CECR2: variants seen among roughly 807,000 people sequenced by gnomAD.
CECR2 encodes chromatin remodeling regulator CECR2.
CECR2 carries 30 observed loss-of-function variants against 154.5 expected under a neutral mutation model. The ratio of observed to expected loss-of-function variants is 0.19; its 90% confidence interval spans 0.15 to 0.26. The LOEUF is 0.26. CECR2 is among the 10% of genes least tolerant of loss of function. The probability of loss-of-function intolerance (pLI) is 1.00; values close to 1 mark genes in which losing one functional copy is unlikely to be tolerated. For missense variants in CECR2, 1,743 were observed against 1,829.3 expected (o/e 0.95, Z 0.86); for synonymous variants, 725 against 683.7 (o/e 1.06, Z -0.94).
intron 2 of CECR2, among the ~76,000 whole-genome samples, chr22:17,489,180 G>A (rs893950476): frequency 4.6e-5 from 7 of 152,086 alleles, no homozygotes; most frequent in African/African-American, 1.2e-4. Flanking sequence ...GTGATCACCC[G>A]CCTCGGCCTC....
In CECR2 at chr22:17,414,181, C is replaced by T. The variant is rs138006397; in HGVS notation, c.126+44272C>T. 7.7e-3 allele frequency among the ~76,000 whole-genome samples: 1,172 copies of T among 151,824 alleles called. 15 individuals are homozygous for T. The highest frequency in any genetic ancestry group is 0.026 in the African/African-American group (1,090 of 41,382). ...TAGAGATGGGATTTCACTGTGTTAG[C>T]CAGGATGGTCTCGATCGCCTGACCT... On this transcript the variant is annotated intron_variant, in intron 1 of 18. Transcript: ENST00000262608.
chr22:17,422,698 T>A (rs2054274643), intron 1 of CECR2, among the ~76,000 whole-genome samples: 1 of 151,874 alleles, frequency 6.6e-6, no homozygotes, highest in African/African-American at 2.4e-5. Flanking sequence ...TATCTTCTGT[T>A]TTTTTGGTCT....
chr22:17,528,336 C>CTTTTT (rs761795162), intron 9 of CECR2, among the ~76,000 whole-genome samples: 250 of 152,122 alleles, frequency 1.6e-3, no homozygotes, highest in Non-Finnish European at 2.7e-3. Flanking sequence ...TTCTCACTTA[C>CTTTTT]TTGTGGGATC....
At chr22:17,510,944 T>TG (rs2055938377) in intron 7 of CECR2, among the ~76,000 whole-genome samples, 1 of 152,204 alleles carries the variant, frequency 6.6e-6, no homozygotes. Flanking sequence ...ACTCACTAAA[T>TG]GTACCCCCGT....
chr22:17,390,186 G>A (rs1262747569), intron 1 of CECR2, among the ~76,000 whole-genome samples: 1 of 151,612 alleles, frequency 6.6e-6, no homozygotes, highest in African/African-American at 2.4e-5. Flanking sequence ...TTCAGTGTTT[G>A]TCTTTCTTGA....
chr22:17,456,023 A>G (rs550082959), intron 1 of CECR2, among the ~76,000 whole-genome samples: 1 of 152,262 alleles, frequency 6.6e-6, no homozygotes, highest in Admixed American at 6.5e-5. Flanking sequence ...GGGTTGTGAT[A>G]CCCACATTTT....
intron 5 of CECR2, among the ~76,000 whole-genome samples, chr22:17,502,189 A>AT (rs2055751189): frequency 6.6e-6 from 1 of 152,210 alleles, no homozygotes; most frequent in Non-Finnish European, 1.5e-5. Flanking sequence ...GGCACTATTA[A>AT]TAGCTCCATT....
In CECR2 at chr22:17,548,982, C is replaced by A. The variant is rs199780601; in HGVS notation, c.3695C>A (p.Pro1232Gln). Residue 1232 changes from proline (P) to glutamine (Q), a missense_variant, in exon 17 of 19, where the codon CCA becomes CAA. Around this residue, in one of 4 missense-constraint regions of CECR2, gnomAD observed 1,250 missense variants for 1,192.1 expected, o/e 1.05. Transcript: ENST00000262608. ...PSGPPASQPP[P>Q]PRSLFSDKNA... Reference sequence around the variant, plus strand: ...GGACCCCCAGCCAGTCAGCCTCCCCCACCAAGGTCCCTCTTCTCAGATAAG... The same window carrying A: ...GGACCCCCAGCCAGTCAGCCTCCCCAACCAAGGTCCCTCTTCTCAGATAAG... 35 of 1,614,002 alleles carry A rather than the reference C, an allele frequency of 2.2e-5. No individual in the cohort carries two copies. In the East Asian group the frequency reaches 3.6e-4, roughly 16 times the overall value.
At chr22:17,486,546 A>G (rs2055424375) in intron 2 of CECR2, among the ~76,000 whole-genome samples, 1 of 152,210 alleles carries the variant, frequency 6.6e-6, no homozygotes, top group South Asian at 2.1e-4. Context: ...GGGAAAGCCC[A>G]CATGGCTGGG....
intron 1 of CECR2, among the ~76,000 whole-genome samples, chr22:17,467,011 C>CA (rs1396578730): frequency 1.3e-5 from 2 of 152,146 alleles, no homozygotes; most frequent in Non-Finnish European, 2.9e-5. Flanking sequence ...TTAGCAGCCA[C>CA]AGAAACATCG....
chr22:17,412,654 A>G (rs923369921), intron 1 of CECR2, among the ~76,000 whole-genome samples: 2 of 152,136 alleles, frequency 1.3e-5, no homozygotes, highest in African/African-American at 4.8e-5. Flanking sequence ...TGCTAAAGGA[A>G]AATTAGGACT....
At position 17,437,039 on chromosome 22, in the gene CECR2, G is replaced by C. The variant is rs141278844; in HGVS notation, c.127-40549G>C. 4.2e-3 allele frequency among the ~76,000 whole-genome samples: 646 copies of C among 152,242 alleles called. 3 individuals carry two copies. Among genetic ancestry groups the C allele is most frequent in the African/African-American group, 0.015 (620 of 41,556 alleles). On this transcript the variant is annotated intron_variant, in intron 1 of 18. Transcript: ENST00000262608. ...TTTCCTTTTAAAATCCTAGTGACTT[G>C]GGGAGAACTGGCCTCTGACAAGTCT...
intron 9 of CECR2, among the ~76,000 whole-genome samples, chr22:17,535,923 C>T (rs1015967529): frequency 1.3e-5 from 2 of 152,088 alleles, no homozygotes; most frequent in Non-Finnish European, 1.5e-5. Flanking sequence ...GATCCTATCC[C>T]TTGTGGAACA....
chr22:17,381,463 G>A (rs1056647615), intron 1 of CECR2, among the ~76,000 whole-genome samples: 4 of 152,216 alleles, frequency 2.6e-5, no homozygotes, highest in African/African-American at 9.6e-5. Flanking sequence ...GCATAACCCT[G>A]GATTTTCATC....
chr22:17,450,090 T>A (rs1055124358), intron 1 of CECR2, among the ~76,000 whole-genome samples: 3 of 152,220 alleles, frequency 2.0e-5, no homozygotes, highest in African/African-American at 7.2e-5. Flanking sequence ...ATGAGAACAG[T>A]AAATAGCAAG....
At chr22:17,477,999 G>A (rs1353052004) in intron 2 of CECR2, among the ~76,000 whole-genome samples, 1 of 152,098 alleles carries the variant, frequency 6.6e-6, no homozygotes, top group African/African-American at 2.4e-5. Flanking sequence ...TATTGGTAAA[G>A]TATTGCCTAA....
At chr22:17,489,842 T>C (rs1466260443) in intron 2 of CECR2, among the ~76,000 whole-genome samples, 4 of 151,920 alleles carry the variant, frequency 2.6e-5, no homozygotes, top group Non-Finnish European at 4.4e-5. Flanking sequence ...TATTGATTTC[T>C]CTTTTTTATT....
chr22:17,382,883 C>A (rs1601255913), intron 1 of CECR2, among the ~76,000 whole-genome samples: 1 of 151,826 alleles, frequency 6.6e-6, no homozygotes, highest in Admixed American at 6.6e-5. Flanking sequence ...CCCTGGGCAG[C>A]AGTGAGACCT....
At chr22:17,366,282 G>A (rs1223372612), upstream of CECR2, among the ~76,000 whole-genome samples, 4 of 152,118 alleles carry the variant, frequency 2.6e-5, no homozygotes, top group African/African-American at 4.8e-5. Flanking sequence ...TCTGCCTCCC[G>A]GGTTCAACCA....
Sources: allele counts gnomAD v4.1 joint callset (sites outside exome capture counted in the v4.1 genomes callset), GRCh38; gene constraint gnomAD v4.1.1; regional missense constraint gnomAD v4.1.1; transcripts MANE v1.5; gene names NCBI Gene and HGNC (gene_info 2026-07-23, HGNC 2026-07-21).